Variants in SLC26A9 observed in about 807,000 individuals in gnomAD.
SLC26A9 encodes the protein anion transporter/exchanger protein 9.
SLC26A9 carries 46 observed loss-of-function variants against 87.1 expected under a neutral mutation model. That is an observed-to-expected ratio of 0.53 (90% CI 0.42 to 0.67). The LOEUF (loss-of-function observed/expected upper bound fraction) is 0.67. Among genes scored for constraint, SLC26A9 ranks in the 30% least tolerant of loss-of-function variants. The pLI, the probability that SLC26A9 is intolerant of heterozygous loss-of-function variation, is 0.00. For missense variants in SLC26A9, 927 were observed against 1,018.3 expected (o/e 0.91, Z 1.22); for synonymous variants, 437 against 409.1 (o/e 1.07, Z -0.82).
At chr1:205,924,582 T>C (rs1424285638) in intron 12 of SLC26A9, 93 bp from the exon 13 acceptor site, 2 of 1,034,410 alleles carry the variant, frequency 1.9e-6, no homozygotes, top group South Asian at 1.5e-5. Flanking sequence ...TCTCTGTTAG[T>C]ACAACCTCAG....
chr1:205,927,738 C>T lies in SLC26A9; in HGVS notation c.1102-133G>A. 4 of 1,393,584 alleles carry T rather than the reference C, an allele frequency of 2.9e-6. No individual in the cohort carries two copies. In the South Asian group the frequency reaches 5.3e-5, roughly 18 times the overall value. 86.3% of individuals were successfully genotyped at this position (1,393,584 alleles called of 1,614,324 possible). A position where few individuals can be genotyped will look rare whatever the true frequency, so the allele number is the denominator to read the frequency against. ...CCAGTGGCTATAAAGTCACACATTC[C>T]CAGTCAAGAGGAGGTCAGCCTCTTA... On this transcript the variant is annotated intron_variant, in intron 9 of 20. Coordinates refer to ENST00000367135, the MANE Select transcript of SLC26A9 (RefSeq NM_052934.4).
chr1:205,928,528 T>A, intron 8 of SLC26A9: 1 of 496,864 alleles, frequency 2.0e-6, no homozygotes, highest in Non-Finnish European at 3.6e-6. Context: ...AACCAATGCA[T>A]TAGAGCAAGG....
Position 205,913,804 on chromosome 1 carries a change from C to A in SLC26A9, c.*1553G>T, listed in dbSNP as rs1448005859. On this transcript the variant is annotated 3_prime_UTR_variant, in exon 21 of 21. Coordinates refer to ENST00000367135, the MANE Select transcript of SLC26A9 (RefSeq NM_052934.4). The stretch of plus-strand genomic sequence containing the variant: ...AGAATGTGTTGGCTCTTGGCCAGCA[C>A]CCCCTCCTTTAACTCTAAGAAGACT... 6.6e-6 allele frequency: 1 copy of A among 152,562 alleles called. No individual in the cohort carries two copies. Among genetic ancestry groups the A allele is most frequent in the East Asian group, 1.9e-4 (1 of 5,190 alleles). The allele number at this position is 152,562 out of a possible 1,614,324, so 9.5% of individuals were successfully genotyped here. A position where few individuals can be genotyped will look rare whatever the true frequency, so the allele number is the denominator to read the frequency against.
chr1:205,914,758 TGGAGG>T lies in SLC26A9; in HGVS notation c.*594_*598del. 7 of 1,133,616 alleles carry T rather than the reference TGGAGG, an allele frequency of 6.2e-6. No individual in the cohort carries two copies. The South Asian group carries it at 1.1e-4, about 17-fold the overall frequency. 70.2% of individuals were successfully genotyped at this position (1,133,616 alleles called of 1,614,324 possible). A position where few individuals can be genotyped will look rare whatever the true frequency, so the allele number is the denominator to read the frequency against. Reference sequence around the variant, plus strand: ...GTGGTTTGGGCAGCCTTGGGGATGATGGAGGGGGGGCGCATAGTTACCAAGGCCTA... The same window carrying T: ...GTGGTTTGGGCAGCCTTGGGGATGATGGGGGCGCATAGTTACCAAGGCCTA... On this transcript the variant is annotated 3_prime_UTR_variant, in exon 21 of 21. Coordinates refer to ENST00000367135, the MANE Select transcript of SLC26A9 (RefSeq NM_052934.4).
intron 18 of SLC26A9, among the ~76,000 whole-genome samples, 160 bp from the exon 19 acceptor site, chr1:205,919,145 T>C (rs1193039709): frequency 6.6e-6 from 1 of 152,238 alleles, no homozygotes; most frequent in Non-Finnish European, 1.5e-5. Context: ...ATATCAGTTT[T>C]GGACGGCAGA....
At position 205,921,832 on chromosome 1, in the gene SLC26A9, C is replaced by A; in HGVS notation, c.1789G>T (p.Glu597Ter). 6.2e-7 allele frequency: 1 copy of A among 1,606,440 alleles called. No homozygotes were observed. Among genetic ancestry groups the A allele is most frequent in the Non-Finnish European group, 8.5e-7 (1 of 1,177,686 alleles). The part of the protein sequence containing the change: ...FMKTKTVSLQ[E>*]LQQDFENAPP... ...GCATTCTCAAAGTCCTGCTGCAGCTCCTGCAGGGAGACAGTCTGGAAGGGT... is the reference window on the plus strand; with the variant it reads ...GCATTCTCAAAGTCCTGCTGCAGCTACTGCAGGGAGACAGTCTGGAAGGGT... The change falls in exon 17 of 21, where the codon GAG (glutamate) becomes TAG (stop). Residue 597 changes from glutamate to a stop codon, truncating the protein, a stop_gained. Coordinates refer to ENST00000367135, the MANE Select transcript of SLC26A9 (RefSeq NM_052934.4). LOFTEE classifies it high-confidence loss of function.
At position 205,914,664 on chromosome 1, in the gene SLC26A9, A is replaced by C; in HGVS notation, c.*693T>G. 3 of 494,216 alleles carry C rather than the reference A, an allele frequency of 6.1e-6. No individual in the cohort carries two copies. Among genetic ancestry groups the C allele is most frequent in the Non-Finnish European group, 1.1e-5 (3 of 282,142 alleles). 30.6% of individuals were successfully genotyped at this position (494,216 alleles called of 1,614,324 possible). A position where few individuals can be genotyped will look rare whatever the true frequency, so the allele number is the denominator to read the frequency against. On this transcript the variant is annotated 3_prime_UTR_variant, in exon 21 of 21. Transcript: ENST00000367135. Reference sequence around the variant, plus strand: ...CTTAGTGGGCTGTCCCCGGGGAGGTAGCTCTGGTGGTCTCGACGGTCCTGG... The same window carrying C: ...CTTAGTGGGCTGTCCCCGGGGAGGTCGCTCTGGTGGTCTCGACGGTCCTGG...
Position 205,916,159 on chromosome 1 carries a change from C to T in SLC26A9, c.2329-755G>A, listed in dbSNP as rs771845403. On this transcript the variant is annotated intron_variant, in intron 20 of 20. Coordinates refer to ENST00000367135, the MANE Select transcript of SLC26A9 (RefSeq NM_052934.4). ...TCACCCAAGCTGGAGTGCAGTGGCA[C>T]GATCTCGGCTCACTGCAACATCTGC... Among the ~76,000 whole-genome samples the T allele has an allele frequency of 1.7e-3, 258 of 152,266 alleles. 2 individuals carry two copies. The highest frequency in any genetic ancestry group is 8.2e-4 in the Non-Finnish European group (56 of 68,028).
rs1658708471 is a variant in SLC26A9, at chr1:205,918,923, G to A, written c.2173C>T (p.His725Tyr). The A allele has an allele frequency of 1.2e-6, 2 of 1,614,088 alleles. No individual in the cohort carries two copies. Among genetic ancestry groups the A allele is most frequent in the Admixed American group, 3.3e-5 (2 of 59,994 alleles). ...GCGTCATGTATGCTGGGAAAGACGTGCTTGCATTCTAGACTCCCATCCTCA... is the reference window on the plus strand; with the variant it reads ...GCGTCATGTATGCTGGGAAAGACGTACTTGCATTCTAGACTCCCATCCTCA... ...VFEDGSLECK[H>Y]VFPSIHDAVL... Residue 725 changes from histidine to tyrosine, a missense_variant, in exon 19 of 21, where the codon CAC becomes TAC. By Grantham distance (83) the His-to-Tyr change is moderately conservative. Coordinates refer to ENST00000367135, the MANE Select transcript of SLC26A9 (RefSeq NM_052934.4).
chr1:205,927,848 C>A (rs1318921198), intron 9 of SLC26A9, 54 bp downstream of exon 9: 13 of 1,585,766 alleles, frequency 8.2e-6, no homozygotes, highest in South Asian at 1.2e-5. Context: ...ATATGTCATG[C>A]CAGGCCTGAG....
At chr1:205,938,330 C>A (rs559487050) in intron 1 of SLC26A9, among the ~76,000 whole-genome samples, 1 of 152,120 alleles carries the variant, frequency 6.6e-6, no homozygotes, top group Non-Finnish European at 1.5e-5. Flanking sequence ...TCCACCCACC[C>A]TGTCCCATTG....
intron 2 of SLC26A9, 149 bp downstream of exon 2, chr1:205,935,547 G>A (rs1413848762): frequency 1.0e-5 from 13 of 1,262,762 alleles, no homozygotes; most frequent in African/African-American, 1.5e-5. Flanking sequence ...TGAGGTTGTA[G>A]GATCTTAAAT....
chr1:205,920,233 A>G lies in SLC26A9; in HGVS notation c.2056-3T>C. ...ATCTTCCCATAGGTGGAGCTCAGCT[A>G]GAAGTGTTGTTGGGGTAGGGAGGCA... On this transcript the variant is annotated splice_region_variant and splice_polypyrimidine_tract_variant and intron_variant, in intron 17 of 20. Coordinates refer to ENST00000367135, the MANE Select transcript of SLC26A9 (RefSeq NM_052934.4). 1.2e-6 allele frequency: 2 copies of G among 1,613,968 alleles called. No individual in the cohort carries two copies. Among genetic ancestry groups the G allele is most frequent in the Non-Finnish European group, 8.5e-7 (1 of 1,179,842 alleles).
At chr1:205,928,973 T>C (rs1659194213) in intron 7 of SLC26A9, 64 bp from the exon 8 acceptor site, 1 of 1,585,872 alleles carries the variant, frequency 6.3e-7, no homozygotes, top group Non-Finnish European at 8.7e-7. Flanking sequence ...GGCGTCTCTC[T>C]CAAGTCTCCC....
At chr1:205,916,947 A>C (rs1658617395) in intron 20 of SLC26A9, among the ~76,000 whole-genome samples, 1 of 151,950 alleles carries the variant, frequency 6.6e-6, no homozygotes, top group African/African-American at 2.4e-5. Flanking sequence ...CTAAAAATAC[A>C]AAAATTAGCT....
intron 9 of SLC26A9, 111 bp from the exon 10 acceptor site, chr1:205,927,716 G>A: frequency 7.2e-7 from 1 of 1,380,884 alleles, no homozygotes; most frequent in Admixed American, 2.0e-5. Flanking sequence ...GAGTGACCCA[G>A]TGGCTATAAA....
At chr1:205,941,647 C>T (rs1659750811) in intron 1 of SLC26A9, among the ~76,000 whole-genome samples, 1 of 152,144 alleles carries the variant, frequency 6.6e-6, no homozygotes, top group Admixed American at 6.5e-5. Context: ...TGATACCACC[C>T]CCCAAATCCC....
In SLC26A9 at chr1:205,927,552, A is replaced by T. The variant is rs1428850771; in HGVS notation, c.1155T>A (p.His385Gln). Residue 385 changes from histidine to glutamine, a missense_variant, in exon 10 of 21, where the codon CAT becomes CAA. His to Gln is a conservative substitution (Grantham distance 24, BLOSUM62 0). Transcript: ENST00000367135. ...TGACAGAAAGCGCACAGCAAATGAC[A>T]TGAATTTTAAAGAAGGAGCCAAAGA... ...SNFFGSFFKI[H>Q]VICCALSVTL... 6.2e-7 allele frequency: 1 copy of T among 1,614,130 alleles called. No homozygotes were observed. The highest frequency in any genetic ancestry group is 8.5e-7 in the Non-Finnish European group (1 of 1,180,004).
chr1:205,924,710 T>C, intron 12 of SLC26A9: 1 of 513,026 alleles, frequency 1.9e-6, no homozygotes, highest in South Asian at 2.4e-5. Flanking sequence ...ATCTTGTCTG[T>C]GTTTTTAGTA....
Sources: allele counts gnomAD v4.1 joint callset (sites outside exome capture counted in the v4.1 genomes callset), GRCh38; gene constraint gnomAD v4.1.1; transcripts MANE v1.5; gene names NCBI Gene and HGNC (gene_info 2026-07-23, HGNC 2026-07-21).